Variants in CNTNAP2 observed in about 807,000 individuals in gnomAD.
The protein encoded by CNTNAP2 is contactin-associated protein-like 2.
In CNTNAP2, 98 loss-of-function variants were observed where a neutral mutation model predicts 155.2. The ratio of observed to expected loss-of-function variants is 0.63; its 90% CI spans 0.54 to 0.75. CNTNAP2 has a LOEUF of 0.75. Ranked by LOEUF, CNTNAP2 falls within the 30% of genes least tolerant of loss-of-function variation. The probability of loss-of-function intolerance (pLI) is 0.00; values close to 1 mark genes in which losing one functional copy is unlikely to be tolerated. For missense variants in CNTNAP2, 1,727 were observed against 1,688.1 expected (o/e 1.02, Z -0.40); for synonymous variants, 651 against 631.2 (o/e 1.03, Z -0.47).
intron 16 of CNTNAP2, among the ~76,000 whole-genome samples, chr7:148,139,513 T>C (rs1166704102): frequency 6.6e-6 from 1 of 152,130 alleles, no homozygotes; most frequent in Non-Finnish European, 1.5e-5. Flanking sequence ...CTTAACATTA[T>C]TGGATTCAAT....
At chr7:147,225,065 C>T (rs1381925619) in intron 8 of CNTNAP2, among the ~76,000 whole-genome samples, 1 of 152,168 alleles carries the variant, frequency 6.6e-6, no homozygotes, top group East Asian at 1.9e-4. Flanking sequence ...AATTAAATTA[C>T]TTGCAGTTAA....
At chr7:147,674,749 G>T (rs909905963) in intron 13 of CNTNAP2, among the ~76,000 whole-genome samples, 1 of 152,038 alleles carries the variant, frequency 6.6e-6, no homozygotes, top group Admixed American at 6.6e-5. Context: ...ATAGACTATA[G>T]GTTGTTACAT....
At chr7:146,206,805 C>T (rs754373870) in intron 1 of CNTNAP2, among the ~76,000 whole-genome samples, 5 of 151,944 alleles carry the variant, frequency 3.3e-5, no homozygotes, top group Non-Finnish European at 5.9e-5. Context: ...TAATCATCAA[C>T]ATGATGCTGT....
chr7:147,332,304 G>A (rs1302435155), intron 9 of CNTNAP2, among the ~76,000 whole-genome samples: 6 of 152,090 alleles, frequency 3.9e-5, no homozygotes, highest in East Asian at 3.9e-4. Flanking sequence ...AGGGCAAAAC[G>A]GAAAACATTC....
At chr7:148,030,876 A>C (rs1231944960) in intron 15 of CNTNAP2, among the ~76,000 whole-genome samples, 1 of 152,214 alleles carries the variant, frequency 6.6e-6, no homozygotes, top group East Asian at 1.9e-4. Flanking sequence ...TCAGGAGGAA[A>C]TAAGTGGATG....
rs138825001 is a variant in CNTNAP2, at chr7:146,153,675, C to A, written c.97+36702C>A. On this transcript the variant is annotated intron_variant, in intron 1 of 23. Transcript: ENST00000361727. The stretch of plus-strand genomic sequence containing the variant: ...CATTCTAAATGATGCAGAGCAAATA[C>A]CCTAAAAGGGAAGTGCTTGGATCTT... Among the ~76,000 whole-genome samples, 18 of 152,222 alleles carry A rather than the reference C, an allele frequency of 1.2e-4. No individual in the cohort carries two copies. In the East Asian group the frequency reaches 3.1e-3, roughly 26 times the overall value.
At chr7:147,719,201 C>T (rs986963362) in intron 13 of CNTNAP2, among the ~76,000 whole-genome samples, 2 of 152,086 alleles carry the variant, frequency 1.3e-5, no homozygotes, top group Admixed American at 6.6e-5. Context: ...GTTGCAGAAG[C>T]TGGGTACCTA....
intron 12 of CNTNAP2, among the ~76,000 whole-genome samples, chr7:147,630,195 C>T (rs1455813013): frequency 6.7e-6 from 1 of 150,158 alleles, no homozygotes; most frequent in Non-Finnish European, 1.5e-5. Flanking sequence ...AACACATTTA[C>T]AAACTAGAAA....
At chr7:146,276,006 A>T (rs1201083919) in intron 1 of CNTNAP2, among the ~76,000 whole-genome samples, 1 of 152,198 alleles carries the variant, frequency 6.6e-6, no homozygotes, top group Non-Finnish European at 1.5e-5. Context: ...TGTACAAGAC[A>T]GTCACCCACA....
intron 15 of CNTNAP2, among the ~76,000 whole-genome samples, chr7:148,035,848 G>A (rs758220533): frequency 9.9e-5 from 15 of 152,174 alleles, no homozygotes; most frequent in South Asian, 2.1e-4. Context: ...AAAGCTATAC[G>A]GGTGAGGCTG....
chr7:146,986,950 A>G (rs1798123995), intron 3 of CNTNAP2, among the ~76,000 whole-genome samples: 1 of 152,086 alleles, frequency 6.6e-6, no homozygotes, highest in East Asian at 1.9e-4. Context: ...GCATTTGGCA[A>G]TTAGCAATTA....
chr7:147,712,651 A>G (rs1047207701), intron 13 of CNTNAP2, among the ~76,000 whole-genome samples: 1 of 152,160 alleles, frequency 6.6e-6, no homozygotes, highest in Non-Finnish European at 1.5e-5. Flanking sequence ...AGGACAAAAA[A>G]CCAAACACCG....
rs145192528 is a variant in CNTNAP2 at position 147,566,624 on chromosome 7, C to T, written c.1897+4367C>T. Among the ~76,000 whole-genome samples the T allele has an allele frequency of 3.6e-3, 553 of 152,200 alleles. 4 individuals carry two copies. The highest frequency in any genetic ancestry group is 0.012 in the African/African-American group (518 of 41,554). On this transcript the variant is annotated intron_variant, in intron 12 of 23. Coordinates refer to ENST00000361727, the MANE Select transcript of CNTNAP2 (RefSeq NM_014141.6). ...CATGTGAAGGCAGAATTGTCAAACACTTATAAAACCATTAGATCTCATGAG... is the reference window on the plus strand; with the variant it reads ...CATGTGAAGGCAGAATTGTCAAACATTTATAAAACCATTAGATCTCATGAG...
At chr7:146,702,601 A>G (rs897556154) in intron 1 of CNTNAP2, among the ~76,000 whole-genome samples, 31 of 152,190 alleles carry the variant, frequency 2.0e-4, no homozygotes, top group Admixed American at 1.9e-3. Context: ...GATTTTTTAA[A>G]TTTCATTCAT....
intron 8 of CNTNAP2, among the ~76,000 whole-genome samples, chr7:147,172,296 A>G (rs572391335): frequency 6.6e-6 from 1 of 152,284 alleles, no homozygotes; most frequent in East Asian, 1.9e-4. Flanking sequence ...TTTATTCCAA[A>G]TGGGCAATAT....
chr7:148,040,279 A>AAAC (rs1406650645), intron 15 of CNTNAP2, among the ~76,000 whole-genome samples: 2 of 152,228 alleles, frequency 1.3e-5, no homozygotes, highest in Non-Finnish European at 2.9e-5. Context: ...TTTCTGAACT[A>AAAC]AACTGAAAAT....
intron 3 of CNTNAP2, among the ~76,000 whole-genome samples, chr7:146,846,298 G>C (rs1803839584): frequency 6.7e-6 from 1 of 150,264 alleles, no homozygotes; most frequent in Non-Finnish European, 1.5e-5. Flanking sequence ...TAATTTTATA[G>C]ATAGCTTATT....
At chr7:147,725,477 C>G (rs1796625735) in intron 13 of CNTNAP2, among the ~76,000 whole-genome samples, 1 of 152,016 alleles carries the variant, frequency 6.6e-6, no homozygotes, top group African/African-American at 2.4e-5. Context: ...TATTAAAGCC[C>G]TGCCTTGGGC....
At chr7:148,414,992 TCTCCCCTCTCCATTCAGG>T (rs1271475558) in intron 23 of CNTNAP2, 10 of 302,900 alleles carry the variant, frequency 3.3e-5, no homozygotes, top group Non-Finnish European at 6.3e-5. Context: ...GCCCACTCTA[TCTCCCCTCTCCATTCAGG>T]GAAACCACTG....
Sources: gnomAD v4.1 joint callset for allele counts (sites outside exome capture counted in the v4.1 genomes callset) on GRCh38, gnomAD v4.1.1 for gene constraint, MANE v1.5 for transcripts, NCBI Gene and HGNC (gene_info 2026-07-23, HGNC 2026-07-21) for gene names.